Variants in CNIH3 observed in about 807,000 individuals in gnomAD.
The protein encoded by CNIH3 is protein cornichon homolog 3.
Under a neutral mutation model 24.1 loss-of-function variants are expected in CNIH3, and 14 were observed. The observed-to-expected ratio is 0.58, with a 90% CI of 0.38 to 0.91. The LOEUF is 0.91. Ranked by LOEUF, CNIH3 falls within the 40% of genes least tolerant of loss-of-function variation. The probability of loss-of-function intolerance (pLI) is 0.00; values close to 1 mark genes in which losing one functional copy is unlikely to be tolerated. For missense variants in CNIH3, 178 were observed against 196.8 expected (o/e 0.90, Z 0.57); for synonymous variants, 68 against 73.8 (o/e 0.92, Z 0.40).
chr1:224,667,079 A>G (rs1482932038), intron 1 of CNIH3, among the ~76,000 whole-genome samples: 2 of 152,186 alleles, frequency 1.3e-5, no homozygotes, highest in East Asian at 3.9e-4. Context: ...CAGCTCCCAG[A>G]ACAGTGCCTC....
chr1:224,684,855 A>C lies in CNIH3; in HGVS notation c.198+12A>C. ...TCCTTCTGCGAAAGGTCAGTGTGGC[A>C]GCTTCATGCCGAGGATGGAGGATCG... is the stretch of plus-strand genomic sequence containing the variant. On this transcript the variant is annotated intron_variant, in intron 3 of 5. Transcript: ENST00000272133. The surrounding 1 kb of genome is among the most constrained non-coding windows in gnomAD (Gnocchi z 4.2). 1 of 1,613,544 alleles carries C rather than the reference A, an allele frequency of 6.2e-7. No homozygotes were observed. The highest frequency in any genetic ancestry group is 8.5e-7 in the Non-Finnish European group (1 of 1,179,428).
intron 1 of CNIH3, among the ~76,000 whole-genome samples, chr1:224,482,188 G>A (rs906882833): frequency 6.6e-6 from 1 of 152,156 alleles, no homozygotes; most frequent in Non-Finnish European, 1.5e-5. Flanking sequence ...AAGAACTGAA[G>A]TTTGGAATCA....
chr1:224,643,639 A>G (rs7535296), intron 1 of CNIH3, among the ~76,000 whole-genome samples: 89,209 of 152,124 alleles, frequency 0.59, 28,617 homozygotes, highest in African/African-American at 0.85. Flanking sequence ...AGCCACAGAA[A>G]ATTACACTCA....
intron 3 of CNIH3, among the ~76,000 whole-genome samples, chr1:224,564,708 C>T (rs1389388301): frequency 6.6e-6 from 1 of 152,252 alleles, no homozygotes; most frequent in Non-Finnish European, 1.5e-5. Context: ...TCCTTCTGAG[C>T]AGCAGATGGC....
chr1:224,493,070 T>C (rs940968732), intron 1 of CNIH3, among the ~76,000 whole-genome samples: 4 of 152,204 alleles, frequency 2.6e-5, no homozygotes, highest in African/African-American at 9.7e-5. Flanking sequence ...CCCAGGGTCT[T>C]TAATCATCCC....
At chr1:224,621,612 C>T (rs142596742) in intron 1 of CNIH3, among the ~76,000 whole-genome samples, 75 of 152,282 alleles carry the variant, frequency 4.9e-4, no homozygotes, top group African/African-American at 1.7e-3. Context: ...CTCCTCCCTC[C>T]GTCACTGTCC....
In CNIH3 at chr1:224,434,737, C is replaced by T. The variant is rs973181134; in HGVS notation, n.78C>T. 4 of 986,488 alleles carry T rather than the reference C, an allele frequency of 4.1e-6. No homozygotes were observed. In the African/African-American group the frequency reaches 7.0e-5, roughly 17 times the overall value. 61.1% of individuals were successfully genotyped at this position (986,488 alleles called of 1,614,324 possible). A position where few individuals can be genotyped will look rare whatever the true frequency, so the allele number is the denominator to read the frequency against. On this transcript the variant is annotated non_coding_transcript_exon_variant, in exon 1 of 6. Transcript: ENST00000471578. ...CAGCGGAGGCAGCTGCCGCCTCTGT[C>T]CTCGGATCCGCTCCGCTCTGCTCCC...
chr1:224,654,884 A>G (rs1344357910), intron 1 of CNIH3, among the ~76,000 whole-genome samples: 1 of 152,192 alleles, frequency 6.6e-6, no homozygotes, highest in Non-Finnish European at 1.5e-5. Flanking sequence ...CCGTCCCTTT[A>G]CATGCTGGAA....
At chr1:224,641,937 C>T (rs566068597) in intron 1 of CNIH3, among the ~76,000 whole-genome samples, 2 of 152,160 alleles carry the variant, frequency 1.3e-5, no homozygotes, top group South Asian at 2.1e-4. Context: ...TCAGGGTATT[C>T]CTTGAACAGA....
chr1:224,609,653 T>C (rs1682592899), intron 3 of CNIH3, among the ~76,000 whole-genome samples: 2 of 152,228 alleles, frequency 1.3e-5, no homozygotes, highest in Non-Finnish European at 2.9e-5. Context: ...GTTTAGGAGA[T>C]ACTCTCGAAT....
At chr1:224,547,750 C>G (rs974341669) in intron 3 of CNIH3, among the ~76,000 whole-genome samples, 2 of 151,760 alleles carry the variant, frequency 1.3e-5, no homozygotes, top group East Asian at 1.9e-4. Flanking sequence ...TGGGTGTATA[C>G]CTCGTGATAT....
At chr1:224,652,451 C>T (rs896837757) in intron 1 of CNIH3, among the ~76,000 whole-genome samples, 1 of 152,070 alleles carries the variant, frequency 6.6e-6, no homozygotes, top group African/African-American at 2.4e-5. Flanking sequence ...GCAGAAGTGT[C>T]CGTTCCAAGC....
At chr1:224,733,503 A>G (rs1373789668) in intron 4 of CNIH3, among the ~76,000 whole-genome samples, 1 of 152,228 alleles carries the variant, frequency 6.6e-6, no homozygotes, top group Non-Finnish European at 1.5e-5. Context: ...GCACAGTGTC[A>G]GTGACAGATA....
At chr1:224,511,370 C>A (rs1429212005), upstream of CNIH3, among the ~76,000 whole-genome samples, 1 of 152,182 alleles carries the variant, frequency 6.6e-6, no homozygotes, top group Non-Finnish European at 1.5e-5. Context: ...TTGTGAAGTG[C>A]TTTGAGGTCC....
chr1:224,618,297 G>C (rs975122379), intron 1 of CNIH3, among the ~76,000 whole-genome samples: 6 of 152,248 alleles, frequency 3.9e-5, no homozygotes, highest in Non-Finnish European at 7.3e-5. Flanking sequence ...GAGCACCCCA[G>C]TGCATAATTT....
At chr1:224,504,554 C>G (rs1677815489) in intron 1 of CNIH3, among the ~76,000 whole-genome samples, 1 of 152,012 alleles carries the variant, frequency 6.6e-6, no homozygotes, top group African/African-American at 2.4e-5. Flanking sequence ...CTCTCCTCCC[C>G]TCCTGTACCC....
chr1:224,436,308 T>G (rs1674664344), intron 1 of CNIH3, among the ~76,000 whole-genome samples: 1 of 152,244 alleles, frequency 6.6e-6, no homozygotes. Context: ...CAGAGAGCCC[T>G]GTTTGTATAT....
chr1:224,617,310 C>T (rs1003231477), intron 1 of CNIH3, 55 bp downstream of exon 1: 2 of 1,578,538 alleles, frequency 1.3e-6, no homozygotes, highest in Middle Eastern at 1.7e-4. Flanking sequence ...TAAATTTCCC[C>T]GATTTCACCC....
At chr1:224,659,840 T>C (rs1345713188) in intron 1 of CNIH3, among the ~76,000 whole-genome samples, 1 of 152,156 alleles carries the variant, frequency 6.6e-6, no homozygotes, top group East Asian at 1.9e-4. Flanking sequence ...AGAGTTAGCA[T>C]CTCAGGCCTT....
Sources: gnomAD v4.1 joint callset for allele counts (sites outside exome capture counted in the v4.1 genomes callset) on GRCh38, gnomAD v4.1.1 for gene constraint, Gnocchi (gnomAD v3.1) non-coding constraint, MANE v1.5 for transcripts, NCBI Gene and HGNC (gene_info 2026-07-23, HGNC 2026-07-21) for gene names.